The following NKAIN3 variants were observed in gnomAD, a reference collection of about 807,000 sequenced individuals.
NKAIN3 encodes the protein sodium/potassium-transporting ATPase subunit beta-1-interacting protein 3.
A neutral mutation model predicts 30.2 loss-of-function variants in NKAIN3; 25 were observed. That is an observed-to-expected ratio of 0.83 (90% CI 0.60 to 1.16). The LOEUF (loss-of-function observed/expected upper bound fraction) is 1.16. NKAIN3 is among the 50% of genes most tolerant of loss of function. The pLI, the probability that NKAIN3 is intolerant of heterozygous loss-of-function variation, is 0.00. For missense variants in NKAIN3, 225 were observed against 254.1 expected, an observed-to-expected ratio of 0.89 and a Z score of 0.78; for synonymous variants, 91 against 89.6, an observed-to-expected ratio of 1.02 and a Z score of -0.09.
chr8:62,760,843 GTTTAAT>G (rs1816635241), intron 4 of NKAIN3, among the ~76,000 whole-genome samples: 1 of 152,078 alleles, frequency 6.6e-6, no homozygotes, highest in African/African-American at 2.4e-5. Context: ...TTAAAAAATA[GTTTAAT>G]TTTAATTTAA....
At chr8:62,441,980 A>T (rs572017215) in intron 1 of NKAIN3, among the ~76,000 whole-genome samples, 4 of 152,064 alleles carry the variant, frequency 2.6e-5, no homozygotes, top group Non-Finnish European at 5.9e-5. Flanking sequence ...TGGGAAAATC[A>T]TATACATTTG....
At chr8:62,602,070 C>T (rs1810999855) in intron 3 of NKAIN3, among the ~76,000 whole-genome samples, 1 of 152,040 alleles carries the variant, frequency 6.6e-6, no homozygotes, top group Non-Finnish European at 1.5e-5. Flanking sequence ...CAATTTGAAG[C>T]TACATTATAA....
At chr8:62,985,446 C>G (rs1032051507), downstream of NKAIN3, among the ~76,000 whole-genome samples, 1 of 152,184 alleles carries the variant, frequency 6.6e-6, no homozygotes, top group East Asian at 1.9e-4. Flanking sequence ...GCTCCCCTGC[C>G]TCTATCTTGT....
intron 3 of NKAIN3, among the ~76,000 whole-genome samples, chr8:62,746,235 T>G (rs1816065205): frequency 6.6e-6 from 1 of 152,202 alleles, no homozygotes; most frequent in Admixed American, 6.5e-5. Context: ...ATGGTCACAT[T>G]GCCTTTGCCT....
At chr8:62,800,952 C>A (rs1818038902) in intron 4 of NKAIN3, among the ~76,000 whole-genome samples, 1 of 152,214 alleles carries the variant, frequency 6.6e-6, no homozygotes, top group East Asian at 1.9e-4. Context: ...AAACGGTGCA[C>A]CAAGAGATTA....
Position 62,746,991 on chromosome 8 carries a change from G to C in NKAIN3, c.333G>C (p.Gly111=). Residue 111 remains glycine (G), a synonymous_variant, in exon 4 of 7, where the codon GGG becomes GGC. Transcript: ENST00000623646. ...SVHRSWWREH[G]PGCVRRVLPP... is the part of the protein sequence containing the mutation. ...ATCGGTCATGGTGGAGAGAACATGGGCCTGGTTGTGTCAGAAGAGTGCTGC... is the reference window on the plus strand; with the variant it reads ...ATCGGTCATGGTGGAGAGAACATGGCCCTGGTTGTGTCAGAAGAGTGCTGC... The C allele has an allele frequency of 6.2e-7, 1 of 1,613,872 alleles. No individual in the cohort carries two copies. The highest frequency in any genetic ancestry group is 8.5e-7 in the Non-Finnish European group (1 of 1,179,820).
At chr8:62,784,024 A>G (rs1817440593) in intron 4 of NKAIN3, among the ~76,000 whole-genome samples, 2 of 152,068 alleles carry the variant, frequency 1.3e-5, no homozygotes, top group African/African-American at 4.8e-5. Context: ...AAGTCTCAAT[A>G]AATTTTAAAG....
Position 62,883,457 on chromosome 8 carries a change from G to GTTGTTTTTTTTTTTTTTTTTTTTT in NKAIN3, c.472-34994_472-34993insGTTTTTTTTTTTTTTTTTTTTTTT. Among the ~76,000 whole-genome samples, 31 of 70,220 alleles carry GTTGTTTTTTTTTTTTTTTTTTTTT rather than the reference G, an allele frequency of 4.4e-4. 3 individuals are homozygous for GTTGTTTTTTTTTTTTTTTTTTTTT. Among genetic ancestry groups the GTTGTTTTTTTTTTTTTTTTTTTTT allele is most frequent in the African/African-American group, 1.3e-3 (18 of 14,282 alleles). 46.1% of individuals were successfully genotyped at this position (70,220 alleles called of 152,430 possible). A position where few individuals can be genotyped will look rare whatever the true frequency, so the allele number is the denominator to read the frequency against. On this transcript the variant is annotated intron_variant, in intron 4 of 6. Coordinates refer to ENST00000623646, the MANE Select transcript of NKAIN3 (RefSeq NM_001304533.3). The stretch of plus-strand genomic sequence containing the variant: ...TTTATTATTTCCAGGAGTTTTATGG[G>GTTGTTTTTTTTTTTTTTTTTTTTT]TTTTTTTTTTTTTTTTCAGATTTTC...
At chr8:62,851,515 G>A (rs1440252603) in intron 4 of NKAIN3, among the ~76,000 whole-genome samples, 1 of 152,142 alleles carries the variant, frequency 6.6e-6, no homozygotes, top group Non-Finnish European at 1.5e-5. Flanking sequence ...TGGTGAGAGA[G>A]GACATCCCCG....
intron 4 of NKAIN3, among the ~76,000 whole-genome samples, chr8:62,874,641 G>T (rs1820740484): frequency 6.6e-6 from 1 of 152,176 alleles, no homozygotes; most frequent in Admixed American, 6.5e-5. Context: ...CTTCATCCCT[G>T]GGATGCAAGG....
At chr8:62,334,676 AAAC>A (rs1815475335) in intron 1 of NKAIN3, among the ~76,000 whole-genome samples, 1 of 152,106 alleles carries the variant, frequency 6.6e-6, no homozygotes, top group African/African-American at 2.4e-5. Flanking sequence ...TAGTGCCTTA[AAAC>A]AACAGCCGTT....
chr8:62,331,875 T>G (rs1563937050), intron 1 of NKAIN3, among the ~76,000 whole-genome samples: 1 of 152,142 alleles, frequency 6.6e-6, no homozygotes, highest in African/African-American at 2.4e-5. Context: ...CATGTTTAAC[T>G]CTGTCTTCAG....
chr8:62,778,220 C>T (rs1817248660), intron 4 of NKAIN3, among the ~76,000 whole-genome samples: 1 of 152,100 alleles, frequency 6.6e-6, no homozygotes, highest in African/African-American at 2.4e-5. Context: ...CCTAAGTTCT[C>T]TTAAGGCACT....
intron 4 of NKAIN3, among the ~76,000 whole-genome samples, chr8:62,869,888 C>A (rs183998580): frequency 7.0e-4 from 107 of 152,206 alleles, no homozygotes; most frequent in Admixed American, 1.3e-3. Context: ...CTGCCTCAGC[C>A]CCCCCGAAGT....
At chr8:62,611,760 A>G (rs1394916351) in intron 3 of NKAIN3, among the ~76,000 whole-genome samples, 1 of 152,144 alleles carries the variant, frequency 6.6e-6, no homozygotes, top group East Asian at 1.9e-4. Context: ...AGGAGTGCAG[A>G]TATCTCTTTG....
intron 1 of NKAIN3, among the ~76,000 whole-genome samples, chr8:62,566,040 C>T (rs948773064): frequency 1.3e-5 from 2 of 152,148 alleles, no homozygotes; most frequent in African/African-American, 2.4e-5. Context: ...ATCCATCATC[C>T]TTGTAAGGCA....
chr8:62,401,499 C>A (rs559839585), intron 1 of NKAIN3, among the ~76,000 whole-genome samples: 2 of 152,224 alleles, frequency 1.3e-5, no homozygotes, highest in South Asian at 4.2e-4. Context: ...GGATGTTTAT[C>A]ATTATCGAGG....
At chr8:62,888,842 T>A (rs1436687344) in intron 4 of NKAIN3, among the ~76,000 whole-genome samples, 1 of 152,224 alleles carries the variant, frequency 6.6e-6, no homozygotes, top group Non-Finnish European at 1.5e-5. Context: ...CAGTCTTTCT[T>A]ACTTTTAGAG....
intron 1 of NKAIN3, among the ~76,000 whole-genome samples, chr8:62,406,347 A>G (rs1804065962): frequency 6.6e-6 from 1 of 152,188 alleles, no homozygotes; most frequent in South Asian, 2.1e-4. Flanking sequence ...AGCTCTTAAG[A>G]GAGAGCTTAC....
Sources: allele counts gnomAD v4.1 joint callset (sites outside exome capture counted in the v4.1 genomes callset), GRCh38; gene constraint gnomAD v4.1.1; transcripts MANE v1.5; gene names NCBI Gene and HGNC (gene_info 2026-07-23, HGNC 2026-07-21).